The following QKI variants were observed in gnomAD, a reference collection of about 807,000 sequenced individuals.
QKI encodes KH domain-containing RNA-binding protein QKI.
In QKI, 10 loss-of-function variants were observed where a neutral mutation model predicts 39.0. The observed-to-expected ratio is 0.26, with a 90% confidence interval of 0.16 to 0.43. The LOEUF is 0.43. Among genes scored for constraint, QKI ranks in the 20% least tolerant of loss-of-function variants. The pLI is 1.00. For synonymous variants in QKI, 204 were observed against 155.4 expected, an observed-to-expected ratio of 1.31 and a Z score of -2.33; for missense variants, 218 against 428.0, an observed-to-expected ratio of 0.51 and a Z score of 4.33.
intron 3 of QKI, among the ~76,000 whole-genome samples, chr6:163,533,462 A>C (rs1780997327): frequency 6.6e-6 from 1 of 152,218 alleles, no homozygotes; most frequent in Admixed American, 6.5e-5. Flanking sequence ...CATTTTTACT[A>C]ATAGCATTTG....
intron 3 of QKI, among the ~76,000 whole-genome samples, chr6:163,516,881 ACATAT>A (rs1298954723): frequency 6.6e-6 from 1 of 152,204 alleles, no homozygotes; most frequent in Middle Eastern, 3.2e-3. Flanking sequence ...GTTTTGAAAC[ACATAT>A]CATAATGTTA....
intron 2 of QKI, among the ~76,000 whole-genome samples, chr6:163,457,053 G>A (rs995657390): frequency 6.6e-6 from 1 of 152,108 alleles, no homozygotes; most frequent in African/African-American, 2.4e-5. Context: ...ATGGGAAATT[G>A]TGATTTGGGC....
intron 4 of QKI, among the ~76,000 whole-genome samples, chr6:163,558,919 C>T (rs1782818303): frequency 6.6e-6 from 1 of 152,124 alleles, no homozygotes; most frequent in South Asian, 2.1e-4. Flanking sequence ...CCTCCAGCAA[C>T]ACCATATGGC....
intron 2 of QKI, among the ~76,000 whole-genome samples, chr6:163,456,863 G>T (rs913325442): frequency 6.6e-6 from 1 of 152,052 alleles, no homozygotes; most frequent in African/African-American, 2.4e-5. Flanking sequence ...GGAGCTTCTC[G>T]GTTGAGAGCC....
chr6:163,545,083 C>T lies in QKI; in HGVS notation c.546+9958C>T, dbSNP rs1462046393. Among the ~76,000 whole-genome samples the T allele has an allele frequency of 2.0e-5, 3 of 152,078 alleles. No homozygotes were observed. The East Asian group carries it at 5.8e-4, about 29-fold the overall frequency. ...TTACCAGAGATCTCTGTAATTTCTG[C>T]AGAGCTCCTTGGAATCACAGCCATC... is the stretch of plus-strand genomic sequence containing the variant. On this transcript the variant is annotated intron_variant, in intron 4 of 7. Transcript: ENST00000361752.
At chr6:163,491,865 C>G (rs993638320) in intron 3 of QKI, among the ~76,000 whole-genome samples, 1 of 152,180 alleles carries the variant, frequency 6.6e-6, no homozygotes, top group African/African-American at 2.4e-5. Context: ...AACTTCATCT[C>G]ATTACTCAGC....
At chr6:163,532,079 A>G (rs969462687) in intron 3 of QKI, among the ~76,000 whole-genome samples, 4 of 152,242 alleles carry the variant, frequency 2.6e-5, no homozygotes, top group African/African-American at 9.6e-5. Flanking sequence ...AATAAAGCAA[A>G]ATGGCAAATA....
At chr6:163,467,542 T>C (rs1164320760) in intron 2 of QKI, among the ~76,000 whole-genome samples, 2 of 152,244 alleles carry the variant, frequency 1.3e-5, no homozygotes, top group African/African-American at 4.8e-5. Flanking sequence ...AGAAACCTTT[T>C]CTTACACAGC....
At chr6:163,419,849 C>G (rs1045362408) in intron 1 of QKI, among the ~76,000 whole-genome samples, 5 of 152,140 alleles carry the variant, frequency 3.3e-5, no homozygotes. Flanking sequence ...AACACTTTTT[C>G]TTAAATGACT....
chr6:163,508,649 C>T (rs990368998), intron 3 of QKI, among the ~76,000 whole-genome samples: 1 of 151,490 alleles, frequency 6.6e-6, no homozygotes, highest in African/African-American at 2.4e-5. Context: ...CCTGCCTCAG[C>T]CTCCCAAGTA....
intron 6 of QKI, chr6:163,565,961 C>T (rs1237382034): frequency 2.5e-6 from 4 of 1,613,026 alleles, no homozygotes; most frequent in South Asian, 2.2e-5. Flanking sequence ...GCTTTCCCAA[C>T]GAAAGGCTAA....
At chr6:163,517,862 A>G (rs961167562) in intron 3 of QKI, among the ~76,000 whole-genome samples, 1 of 152,180 alleles carries the variant, frequency 6.6e-6, no homozygotes, top group African/African-American at 2.4e-5. Context: ...AGTGAGGGAT[A>G]TAAATTTAGG....
chr6:163,495,123 C>G (rs1778324249), intron 3 of QKI, among the ~76,000 whole-genome samples: 2 of 152,056 alleles, frequency 1.3e-5, no homozygotes, highest in Admixed American at 1.3e-4. Flanking sequence ...ACCAGTTGGC[C>G]ACGCTGGTCT....
Position 163,570,835 on chromosome 6 carries a change from C to CCGTTCG in QKI, c.*126_*131dup. On this transcript the variant is annotated 3_prime_UTR_variant, in exon 8 of 8. Coordinates refer to ENST00000361752, the MANE Select transcript of QKI (RefSeq NM_006775.3). ...CAGTGCAGCGAGCTGAGGCACTTGTCCGTTCGTCTTACCATCTAACCAAAC... is the reference window on the plus strand; with the variant it reads ...CAGTGCAGCGAGCTGAGGCACTTGTCCGTTCGCGTTCGTCTTACCATCTAACCAAAC... The CCGTTCG allele has an allele frequency of 5.4e-6, 7 of 1,284,846 alleles. No individual in the cohort carries two copies. The highest frequency in any genetic ancestry group is 2.1e-6 in the Non-Finnish European group (2 of 940,338). 79.6% of individuals were successfully genotyped at this position (1,284,846 alleles called of 1,614,324 possible).
At chr6:163,570,035 C>T (rs1249855366) in intron 7 of QKI, 12 of 986,216 alleles carry the variant, frequency 1.2e-5, no homozygotes, top group Admixed American at 6.1e-5. Context: ...ATGTTGCCTA[C>T]ACTGCTAGAC....
chr6:163,563,514 T>G lies in QKI; in HGVS notation c.729T>G (p.Thr243=). The part of the protein sequence containing the change: ...APVLPPAALR[T]PTPAGPTIMP... ...TTCTCCCACCAGCTGCCCTGCGTAC[T>G]CCTACGCCAGCTGGCCCTACCATAA... is the stretch of plus-strand genomic sequence containing the variant. Residue 243 remains threonine, a synonymous_variant, in exon 6 of 8, where the codon ACT becomes ACG. Coordinates refer to ENST00000361752, the MANE Select transcript of QKI (RefSeq NM_006775.3). The G allele has an allele frequency of 6.2e-7, 1 of 1,614,178 alleles. No individual in the cohort carries two copies.
At chr6:163,418,728 A>G (rs995584008) in intron 1 of QKI, among the ~76,000 whole-genome samples, 1 of 152,174 alleles carries the variant, frequency 6.6e-6, no homozygotes. Flanking sequence ...GAACCCTTAG[A>G]GCAGTTAATA....
At chr6:163,551,190 C>G (rs1782217908) in intron 4 of QKI, among the ~76,000 whole-genome samples, 1 of 152,148 alleles carries the variant, frequency 6.6e-6, no homozygotes, top group Non-Finnish European at 1.5e-5. Flanking sequence ...GATCTATGGT[C>G]ATCAAAATTT....
At chr6:163,509,732 GTA>G (rs1779317071) in intron 3 of QKI, among the ~76,000 whole-genome samples, 1 of 152,062 alleles carries the variant, frequency 6.6e-6, no homozygotes, top group African/African-American at 2.4e-5. Context: ...TTGAAATAAT[GTA>G]TATATAGATA....
Sources: gnomAD v4.1 joint callset for allele counts (sites outside exome capture counted in the v4.1 genomes callset) on GRCh38, gnomAD v4.1.1 for gene constraint, MANE v1.5 for transcripts, NCBI Gene and HGNC (gene_info 2026-07-23, HGNC 2026-07-21) for gene names.